Variants in LYPD8 observed in about 807,000 individuals in gnomAD.
The protein encoded by LYPD8 is ly6/PLAUR domain-containing protein 8.
A neutral mutation model predicts 1.7 loss-of-function variants in LYPD8; 8 were observed. That is an observed-to-expected ratio of 4.58 (90% confidence interval 2.69 to 8.27). The LOEUF (loss-of-function observed/expected upper bound fraction) is 8.27, where lower values mean the gene tolerates loss of function less well. Among genes scored for constraint, LYPD8 ranks in the 30% most tolerant of loss-of-function variants. LYPD8 has a pLI of 0.00. For missense variants in LYPD8, 112 were observed against 102.3 expected, an observed-to-expected ratio of 1.09 and a Z score of -0.41; for synonymous variants, 50 against 43.6, an observed-to-expected ratio of 1.15 and a Z score of -0.58.
intron 6 of LYPD8, among the ~76,000 whole-genome samples, chr1:248,741,073 C>T (rs1662587731): frequency 6.6e-6 from 1 of 152,160 alleles, no homozygotes; most frequent in African/African-American, 2.4e-5. Flanking sequence ...GTGATCGCAC[C>T]CCTGCATTCC....
At chr1:248,745,405 A>C in intron 5 of LYPD8, 126 bp from the exon 6 acceptor site, 1 of 393,286 alleles carries the variant, frequency 2.5e-6, no homozygotes, top group East Asian at 3.6e-5. Context: ...TGGGAATCTC[A>C]GATCTAGCCT....
At chr1:248,743,045 G>T (rs1401403711) in intron 6 of LYPD8, among the ~76,000 whole-genome samples, 1 of 151,670 alleles carries the variant, frequency 6.6e-6, no homozygotes, top group Non-Finnish European at 1.5e-5. Flanking sequence ...TGCTCTGGTG[G>T]GGATGTTGGC....
chr1:248,749,970 GAC>G lies in LYPD8; in HGVS notation c.172+552_172+553del, dbSNP rs1418302857. ...AAATAGCAAAATGTTAATAACTGCT[GAC>G]ACAGGGTAGTGGTTACATGGCAGTT... On this transcript the variant is annotated intron_variant, in intron 4 of 6. Transcript: ENST00000590317. Among the ~76,000 whole-genome samples, 644 of 151,748 alleles carry G rather than the reference GAC, an allele frequency of 4.2e-3. 5 individuals carry two copies. The highest frequency in any genetic ancestry group is 0.015 in the African/African-American group (616 of 41,424).
At chr1:248,754,416 ACAC>A (rs1662891459) in intron 2 of LYPD8, among the ~76,000 whole-genome samples, 1 of 151,114 alleles carries the variant, frequency 6.6e-6, no homozygotes, top group African/African-American at 2.4e-5. Context: ...TCAAACACAC[ACAC>A]AATACACCAC....
Position 248,753,597 on chromosome 1 carries a change from A to C in LYPD8, c.-50+1642T>G, listed in dbSNP as rs1389850506. Among the ~76,000 whole-genome samples, 263 of 112,856 alleles carry C rather than the reference A, an allele frequency of 2.3e-3. 12 individuals are homozygous for C. Among genetic ancestry groups the C allele is most frequent in the Middle Eastern group, 5.7e-3 (1 of 174 alleles). 74.0% of individuals were successfully genotyped at this position (112,856 alleles called of 152,430 possible). A position where few individuals can be genotyped will look rare whatever the true frequency, so the allele number is the denominator to read the frequency against. ...CACCCCACACAACACACACAACACAACACACACACCACACACCCCACACAA... is the reference window on the plus strand; with the variant it reads ...CACCCCACACAACACACACAACACACCACACACACCACACACCCCACACAA... On this transcript the variant is annotated intron_variant, in intron 2 of 6. Transcript: ENST00000590317.
At chr1:248,740,747 T>C (rs113117758) in intron 6 of LYPD8, among the ~76,000 whole-genome samples, 789 of 129,012 alleles carry the variant, frequency 6.1e-3, no homozygotes, top group African/African-American at 0.034. Flanking sequence ...AGTTCAAGGC[T>C]GGCTCTAGGA....
intron 5 of LYPD8, among the ~76,000 whole-genome samples, chr1:248,746,073 C>G (rs1572154534): frequency 1.3e-5 from 2 of 152,114 alleles, no homozygotes; most frequent in African/African-American, 4.8e-5. Context: ...CAATGCCACC[C>G]TTCCCGTTGT....
intron 2 of LYPD8, among the ~76,000 whole-genome samples, chr1:248,752,046 G>A (rs1037295144): frequency 6.6e-6 from 1 of 152,098 alleles, no homozygotes; most frequent in Non-Finnish European, 1.5e-5. Flanking sequence ...TCTGGCCTGA[G>A]CCCTTCTTAA....
chr1:248,752,589 C>G (rs1460658251), intron 2 of LYPD8, among the ~76,000 whole-genome samples: 2 of 130,920 alleles, frequency 1.5e-5, no homozygotes, highest in Non-Finnish European at 3.4e-5. Context: ...CACACACACA[C>G]CACACACCCC....
chr1:248,753,504 A>G (rs1383182517), intron 2 of LYPD8, among the ~76,000 whole-genome samples: 23 of 115,144 alleles, frequency 2.0e-4, no homozygotes, highest in Non-Finnish European at 3.2e-4. Flanking sequence ...AACACACAAC[A>G]CAACACACAC....
intron 6 of LYPD8, among the ~76,000 whole-genome samples, chr1:248,740,146 G>C (rs1177701752): frequency 2.0e-5 from 3 of 152,226 alleles, no homozygotes; most frequent in Non-Finnish European, 4.4e-5. Context: ...GTCAGAGCTG[G>C]ACCTGGGACT....
chr1:248,753,023 C>T (rs1187925021), intron 2 of LYPD8, among the ~76,000 whole-genome samples: 1 of 120,816 alleles, frequency 8.3e-6, no homozygotes. Context: ...ACACACACCA[C>T]ACACCCCACA....
At chr1:248,740,708 G>A (rs1157222369) in intron 6 of LYPD8, among the ~76,000 whole-genome samples, 2 of 150,904 alleles carry the variant, frequency 1.3e-5, no homozygotes, top group African/African-American at 4.9e-5. Flanking sequence ...CTGGCTCTAG[G>A]ACCAGGCATG....
rs1313334253 is a variant in LYPD8, at chr1:248,751,139, A to T, written c.-49-9T>A. On this transcript the variant is annotated splice_polypyrimidine_tract_variant and intron_variant, in intron 2 of 6. Coordinates refer to ENST00000590317, the MANE Select transcript of LYPD8 (RefSeq NM_001085474.2). The stretch of plus-strand genomic sequence containing the variant: ...ACCACAGGGCCTCAAGCCTGAAAAG[A>T]CACAAAGAAGGCAGCCCCGGGGCCT... 3 of 398,506 alleles carry T rather than the reference A, an allele frequency of 7.5e-6. No homozygotes were observed. Among genetic ancestry groups the T allele is most frequent in the Non-Finnish European group, 1.3e-5 (3 of 226,094 alleles). 24.7% of individuals were successfully genotyped at this position (398,506 alleles called of 1,614,324 possible). A position where few individuals can be genotyped will look rare whatever the true frequency, so the allele number is the denominator to read the frequency against.
intron 2 of LYPD8, among the ~76,000 whole-genome samples, chr1:248,754,877 C>A (rs1662897993): frequency 6.6e-6 from 1 of 152,140 alleles, no homozygotes; most frequent in Non-Finnish European, 1.5e-5. Context: ...GGCCTGGAAC[C>A]CCAGCTGCTT....
At chr1:248,752,730 CACATCA>C (rs1662825491) in intron 2 of LYPD8, among the ~76,000 whole-genome samples, 1 of 122,648 alleles carries the variant, frequency 8.2e-6, no homozygotes, top group African/African-American at 3.5e-5. Flanking sequence ...TGAACACACA[CACATCA>C]CACACACCAC....
At chr1:248,753,771 A>G (rs1283373992) in intron 2 of LYPD8, among the ~76,000 whole-genome samples, 1 of 149,128 alleles carries the variant, frequency 6.7e-6, no homozygotes, top group Non-Finnish European at 1.5e-5. Flanking sequence ...ACCACATCAC[A>G]CACACACCAC....
rs1553283066 is a variant in LYPD8, at chr1:248,739,695, T to G, written c.630A>C (p.Pro210=). The change falls in exon 7 of 7, where the codon CCA becomes CCC. Residue 210 remains proline (P), a synonymous_variant. Coordinates refer to ENST00000590317, the MANE Select transcript of LYPD8 (RefSeq NM_001085474.2). The surrounding 1 kb of genome is among the most constrained non-coding windows in gnomAD (Gnocchi z 4.3). ...TGGAGCCCACGTTGTGGGAAGTGGT[T>G]GGTGCAGACGTGGGGGTTAAGCTGT... ...NVNSLTPTSA[P]TTSHNVGSKA... is the part of the protein sequence containing the mutation. The G allele has an allele frequency of 2.6e-6, 4 of 1,551,736 alleles. No homozygotes were observed. Among genetic ancestry groups the G allele is most frequent in the African/African-American group, 2.7e-5 (2 of 73,188 alleles).
rs782320196 is a variant in LYPD8, at chr1:248,739,829, C to T, written c.496G>A (p.Val166Met). 9 of 1,551,602 alleles carry T rather than the reference C, an allele frequency of 5.8e-6. No homozygotes were observed. Among genetic ancestry groups the T allele is most frequent in the East Asian group, 4.9e-5 (2 of 40,932 alleles). The change falls in exon 7 of 7, where the codon GTG becomes ATG. Residue 166 changes from valine (V) to methionine (M), a missense_variant. Coordinates refer to ENST00000590317, the MANE Select transcript of LYPD8 (RefSeq NM_001085474.2). The surrounding 1 kb of genome is among the most constrained non-coding windows in gnomAD (Gnocchi z 4.3). Reference sequence around the variant, plus strand: ...CTGACGTTGGAACAGCCTTTCAGCACGAGACTCTTAGACTCAATGTCTGTG... The same window carrying T: ...CTGACGTTGGAACAGCCTTTCAGCATGAGACTCTTAGACTCAATGTCTGTG... ...LKNDIESKSL[V>M]LKGCSNVSNA... is the part of the protein sequence containing the mutation.
Sources: gnomAD v4.1 joint callset for allele counts (sites outside exome capture counted in the v4.1 genomes callset) on GRCh38, gnomAD v4.1.1 for gene constraint, Gnocchi (gnomAD v3.1) non-coding constraint, MANE v1.5 for transcripts, NCBI Gene and HGNC (gene_info 2026-07-23, HGNC 2026-07-21) for gene names.